LETMD1: variants seen among roughly 807,000 people sequenced by gnomAD.
The protein encoded by LETMD1 is LETM1 domain containing 1.
LETMD1 carries 30 observed loss-of-function variants against 43.9 expected under a neutral mutation model. The ratio of observed to expected loss-of-function variants is 0.68; its 90% CI spans 0.51 to 0.93. The LOEUF is 0.93. Among genes scored for constraint, LETMD1 ranks in the 40% least tolerant of loss-of-function variants. LETMD1 has a pLI of 0.00. For missense variants in LETMD1, 413 were observed against 447.7 expected, an observed-to-expected ratio of 0.92 and a Z score of 0.70; for synonymous variants, 176 against 163.1, an observed-to-expected ratio of 1.08 and a Z score of -0.60.
At chr12:51,064,235 G>A (rs561966548), downstream of LETMD1, 41 of 1,613,576 alleles carry the variant, frequency 2.5e-5, no homozygotes, top group South Asian at 4.1e-4. Flanking sequence ...GCTGAGCCTG[G>A]ATGAGAATGG....
intron 3 of LETMD1, 134 bp downstream of exon 3, chr12:51,052,341 G>A (rs1946407411): frequency 3.1e-6 from 3 of 979,538 alleles, no homozygotes; most frequent in Non-Finnish European, 4.4e-6. Flanking sequence ...ACAAAATATT[G>A]AACTGAATGA....
intron 3 of LETMD1, 108 bp from the exon 4 acceptor site, chr12:51,053,669 CT>C: frequency 2.7e-6 from 2 of 727,334 alleles, no homozygotes; most frequent in Non-Finnish European, 4.6e-6. Context: ...AAATTTGGTC[CT>C]TTTTCTGGGC....
At chr12:51,060,863 C>G (rs1035930586), downstream of LETMD1, among the ~76,000 whole-genome samples, 3 of 145,006 alleles carry the variant, frequency 2.1e-5, no homozygotes, top group Non-Finnish European at 4.5e-5. Flanking sequence ...GATTACGACA[C>G]TGCACTCCAG....
chr12:51,055,844 T>G lies in LETMD1; in HGVS notation c.483T>G (p.Phe161Leu). The G allele has an allele frequency of 6.3e-7, 1 of 1,599,058 alleles. No homozygotes were observed. The highest frequency in any genetic ancestry group is 8.5e-7 in the Non-Finnish European group (1 of 1,172,690). ...NYLVFLLMYL[F>L]PRQLLIRHFW... ...TTCTTTCTCCTTTCAGGTACCTGTT[T>G]CCCAGGCAACTACTGATCAGGCATT... The change falls in exon 5 of 9, where the codon TTT becomes TTG. Residue 161 changes from phenylalanine to leucine, a missense_variant. Physicochemically the swap from Phe to Leu is conservative, Grantham distance 22. Transcript: ENST00000262055.
intron 3 of LETMD1, 137 bp downstream of exon 3, chr12:51,052,344 C>CAAAATAT (rs1248599462): frequency 3.3e-6 from 3 of 911,016 alleles, no homozygotes; most frequent in Non-Finnish European, 4.9e-6. Context: ...AAATATTGAA[C>CAAAATAT]TGAATGAGGC....
the LETMD1 span, chr12:51,068,002 A>C: frequency 6.3e-7 from 1 of 1,596,380 alleles, no homozygotes; most frequent in Non-Finnish European, 8.6e-7. Context: ...AGCCTCATAG[A>C]CATGAGCGGC....
rs1282214770 is a variant in LETMD1 at position 51,055,862 on chromosome 12, CA to C, written c.502del (p.Arg168GlyfsTer13). The C allele has an allele frequency of 1.9e-6, 3 of 1,611,940 alleles. No homozygotes were observed. Among genetic ancestry groups the C allele is most frequent in the African/African-American group, 2.7e-5 (2 of 74,782 alleles). On this transcript the variant is annotated frameshift_variant, in exon 5 of 9. Coordinates refer to ENST00000262055, the MANE Select transcript of LETMD1 (RefSeq NM_015416.5). LOFTEE classifies it high-confidence loss of function. ...ACCTGTTTCCCAGGCAACTACTGATCAGGCATTTCTGGACCCCAAAACAACA... is the reference window on the plus strand; with the variant it reads ...ACCTGTTTCCCAGGCAACTACTGATCGGCATTTCTGGACCCCAAAACAACA... ...MYLFPRQLLIRHFWTPKQQTD... is the reference protein window; with the variant it reads ...MYLFPRQLLIXHFWTPKQQTD...
At chr12:51,064,198 AAC>A (rs1392249499), downstream of LETMD1, 1 of 1,614,042 alleles carries the variant, frequency 6.2e-7, no homozygotes, top group Admixed American at 1.7e-5. Flanking sequence ...TTCTCGGTAA[AAC>A]ACAGGACAGA....
intron 4 of LETMD1, among the ~76,000 whole-genome samples, chr12:51,055,389 CTG>C (rs951814804): frequency 2.8e-4 from 42 of 151,766 alleles, no homozygotes; most frequent in African/African-American, 1.0e-3. Flanking sequence ...AAAGGGCTGA[CTG>C]TAGTGGCTCT....
At chr12:51,053,183 G>A (rs138014394) in intron 3 of LETMD1, among the ~76,000 whole-genome samples, 91 of 152,192 alleles carry the variant, frequency 6.0e-4, no homozygotes, top group African/African-American at 1.9e-3. Flanking sequence ...TTGATGGGTC[G>A]TTTTGAAGCT....
downstream of LETMD1, chr12:51,063,612 C>A: frequency 1.5e-6 from 1 of 686,912 alleles, no homozygotes; most frequent in Middle Eastern, 3.5e-4. Context: ...CAATCCTTTC[C>A]CACCCATTCC....
chr12:51,060,571 C>CT (rs1948772992), downstream of LETMD1: 7 of 152,276 alleles, frequency 4.6e-5, no homozygotes, highest in South Asian at 6.2e-4. Flanking sequence ...TTGCTGGACA[C>CT]TTTAAGGTGA....
At chr12:51,052,300 A>G in intron 3 of LETMD1, 93 bp downstream of exon 3, 4 of 1,462,216 alleles carry the variant, frequency 2.7e-6, no homozygotes, top group South Asian at 1.3e-5. Flanking sequence ...GTTGTTCACC[A>G]TTGATCAAGC....
In LETMD1 at chr12:51,048,337, C is replaced by T. The variant is rs761048156; in HGVS notation, c.-20C>T. 4.3e-6 allele frequency: 7 copies of T among 1,613,950 alleles called. No homozygotes were observed. The highest frequency in any genetic ancestry group is 5.9e-6 in the Non-Finnish European group (7 of 1,179,982). On this transcript the variant is annotated 5_prime_UTR_variant, in exon 1 of 9. Coordinates refer to ENST00000262055, the MANE Select transcript of LETMD1 (RefSeq NM_015416.5). Reference sequence around the variant, plus strand: ...TGACCCAAAGACAACCTCTTCTCTCCCGCTTCTCTCGCTGTGAAGATGGCG... The same window carrying T: ...TGACCCAAAGACAACCTCTTCTCTCTCGCTTCTCTCGCTGTGAAGATGGCG...
At chr12:51,064,192 C>T (rs150988431), downstream of LETMD1, 215 of 1,614,146 alleles carry the variant, frequency 1.3e-4, 1 homozygote, top group African/African-American at 2.6e-3. Flanking sequence ...TCTGAGTTCT[C>T]GGTAAAACAC....
chr12:51,048,982 G>C, intron 1 of LETMD1, 52 bp from the exon 2 acceptor site: 1 of 1,538,366 alleles, frequency 6.5e-7, no homozygotes, highest in Non-Finnish European at 8.9e-7. Flanking sequence ...CTCAAGGCGT[G>C]AGGGAGCTTC....
At position 51,059,742 on chromosome 12, in the gene LETMD1, T is replaced by C. The variant is rs955356177; in HGVS notation, c.*311T>C. 3 of 340,128 alleles carry C rather than the reference T, an allele frequency of 8.8e-6. No individual in the cohort carries two copies. The highest frequency in any genetic ancestry group is 2.1e-5 in the African/African-American group (1 of 48,014). The allele number at this position is 340,128 out of a possible 1,614,324, so 21.1% of individuals were successfully genotyped here. A position where few individuals can be genotyped will look rare whatever the true frequency, so the allele number is the denominator to read the frequency against. ...CTTTTACTGTGATGTGTTCAGTTCA[T>C]GTCCTAGGAAGTCAGCTTTTGCCCC... On this transcript the variant is annotated 3_prime_UTR_variant, in exon 9 of 9. Coordinates refer to ENST00000262055, the MANE Select transcript of LETMD1 (RefSeq NM_015416.5).
chr12:51,056,691 G>C, intron 7 of LETMD1, 189 bp downstream of exon 7: 1 of 491,938 alleles, frequency 2.0e-6, no homozygotes, highest in South Asian at 2.8e-5. Context: ...GTCTCATTCT[G>C]TTGCCCAGGC....
chr12:51,068,088 T>G, the LETMD1 span: 2 of 905,550 alleles, frequency 2.2e-6, no homozygotes, highest in Non-Finnish European at 3.4e-6. Flanking sequence ...ATCTGTGCTG[T>G]CCAAAATGAT....
Sources: gnomAD v4.1 joint callset for allele counts (sites outside exome capture counted in the v4.1 genomes callset) on GRCh38, gnomAD v4.1.1 for gene constraint, MANE v1.5 for transcripts, NCBI Gene and HGNC (gene_info 2026-07-23, HGNC 2026-07-21) for gene names.